The following RRAGB variants were observed in gnomAD, a reference collection of about 807,000 sequenced individuals.
RRAGB encodes the protein Ras related GTP binding B, also known as ras-related GTP-binding protein B.
Under a neutral mutation model 29.3 loss-of-function variants are expected in RRAGB, and 6 were observed. The ratio of observed to expected loss-of-function variants is 0.21; its 90% CI spans 0.11 to 0.40. RRAGB has a LOEUF of 0.40. RRAGB is among the 10% of genes least tolerant of loss of function. The pLI is 1.00. For synonymous variants in RRAGB, 101 were observed against 92.5 expected (o/e 1.09, Z -0.53); for missense variants, 184 against 272.9 (o/e 0.67, Z 2.29).
chrX:55,727,922 A>G (rs199969802), intron 3 of RRAGB, among the ~76,000 whole-genome samples: 1 of 111,249 alleles, frequency 9.0e-6, no homozygotes, highest in East Asian at 2.8e-4. Flanking sequence ...ATGAATTCAG[A>G]GGGAGAGATG....
intron 3 of RRAGB, among the ~76,000 whole-genome samples, chrX:55,727,061 A>C (rs1426948749): frequency 9.0e-6 from 1 of 111,499 alleles, no homozygotes; most frequent in Non-Finnish European, 1.9e-5. Context: ...GACCAAGAGA[A>C]GAGAATTTTT....
At chrX:55,748,874 C>T (rs761004698) in intron 5 of RRAGB, among the ~76,000 whole-genome samples, 7 of 101,839 alleles carry the variant, frequency 6.9e-5, no homozygotes, top group South Asian at 4.7e-4. Context: ...GTGAGGAGCC[C>T]CTCTGCCCGG....
intron 5 of RRAGB, among the ~76,000 whole-genome samples, chrX:55,746,291 A>T (rs2034243284): frequency 8.9e-6 from 1 of 111,873 alleles, no homozygotes; most frequent in South Asian, 3.8e-4. Flanking sequence ...CTTCCCATCC[A>T]TTTCACTTCT....
chrX:55,724,318 A>G (rs1023943889), intron 3 of RRAGB, among the ~76,000 whole-genome samples: 1 of 112,237 alleles, frequency 8.9e-6, no homozygotes, highest in Non-Finnish European at 1.9e-5. Context: ...GAAATCCAGA[A>G]CAAGTCCAAT....
chrX:55,718,198 G>T lies in RRAGB; in HGVS notation c.-130G>T. ...GTGGACAAAGGCGGAGGCAAGAATA[G>T]AGCAGGCCTGAGGGCCATAGGCGAT... On this transcript the variant is annotated 5_prime_UTR_variant, in exon 1 of 10. Transcript: ENST00000374941. The T allele has an allele frequency of 2.3e-6, 1 of 432,310 alleles. No homozygotes were observed. The highest frequency in any genetic ancestry group is 3.8e-6 in the Non-Finnish European group (1 of 261,581). The allele number at this position is 432,310 out of a possible 1,213,427, so 35.6% of individuals were successfully genotyped here.
rs184897773 is a variant in RRAGB, at chrX:55,733,077, T to C, written c.516+1491T>C. 9.0e-5 allele frequency among the ~76,000 whole-genome samples: 10 copies of C among 111,295 alleles called. No homozygotes were observed. In the East Asian group the frequency reaches 2.8e-3, roughly 31 times the overall value. On this transcript the variant is annotated intron_variant, in intron 5 of 9. Coordinates refer to ENST00000374941, the MANE Select transcript of RRAGB (RefSeq NM_006064.5). ...TTTAGTGCATTCATCACTTAAATAG[T>C]GTACATTATACCCAATAGGTAATTT...
chrX:55,757,404 T>C, intron 9 of RRAGB, 73 bp downstream of exon 9: 2 of 526,037 alleles, frequency 3.8e-6, no homozygotes, highest in Admixed American at 6.1e-5. Flanking sequence ...GGTAGTACTT[T>C]ATTAGATACT....
chrX:55,744,387 C>CAAAAAAAAAAAAAAAAAAAAAAAAA (rs56294534), intron 5 of RRAGB, among the ~76,000 whole-genome samples: 7 of 35,765 alleles, frequency 2.0e-4, no homozygotes, highest in African/African-American at 5.2e-4. Context: ...CAGAGTGAGC[C>CAAAAAAAAAAAAAAAAAAAAAAAAA]AAAAAAAAAA....
At chrX:55,746,647 G>T (rs189184136) in intron 5 of RRAGB, among the ~76,000 whole-genome samples, 1 of 112,230 alleles carries the variant, frequency 8.9e-6, no homozygotes, top group Non-Finnish European at 1.9e-5. Flanking sequence ...GGCCTTAAAT[G>T]AATCTGTTAA....
At chrX:55,719,137 C>T (rs2033166671) in intron 1 of RRAGB, among the ~76,000 whole-genome samples, 177 bp from the exon 2 acceptor site, 1 of 111,506 alleles carries the variant, frequency 9.0e-6, no homozygotes. Context: ...AGTATACACA[C>T]AGTTTTATAA....
intron 5 of RRAGB, among the ~76,000 whole-genome samples, chrX:55,738,081 A>T (rs1295923120): frequency 8.9e-6 from 1 of 112,796 alleles, no homozygotes; most frequent in East Asian, 2.8e-4. Flanking sequence ...TCCGCAGATT[A>T]TTAAGTCTCT....
At chrX:55,754,839 A>T (rs1204155967) in intron 7 of RRAGB, among the ~76,000 whole-genome samples, 1 of 111,728 alleles carries the variant, frequency 9.0e-6, no homozygotes, top group Non-Finnish European at 1.9e-5. Context: ...GTCTCAGCCC[A>T]CTGGCAGAGG....
chrX:55,738,265 G>A (rs763062388), intron 5 of RRAGB, among the ~76,000 whole-genome samples: 9 of 110,999 alleles, frequency 8.1e-5, no homozygotes, highest in Non-Finnish European at 1.3e-4. Context: ...ATTGGTCACT[G>A]ATGCTTCTTA....
intron 4 of RRAGB, 28 bp from the exon 5 acceptor site, chrX:55,731,336 C>T: frequency 9.2e-7 from 1 of 1,090,019 alleles, no homozygotes; most frequent in East Asian, 3.1e-5. Flanking sequence ...TGAGGATTTG[C>T]TTACTATATA....
chrX:55,750,915 A>C (rs746536328), intron 5 of RRAGB, among the ~76,000 whole-genome samples, 186 bp from the exon 6 acceptor site: 28 of 112,023 alleles, frequency 2.5e-4, no homozygotes, highest in Admixed American at 3.8e-4. Flanking sequence ...AAGAATTCTA[A>C]CTATTGTGCT....
chrX:55,750,048 TAAAAAAAAAAAA>T (rs774847577), intron 5 of RRAGB, among the ~76,000 whole-genome samples: 2 of 16,764 alleles, frequency 1.2e-4, no homozygotes, highest in African/African-American at 5.1e-4. Context: ...AATGATCAAT[TAAAAAAAAAAAA>T]AAAAAAAAAA....
rs1361519255 is a variant in RRAGB at position 55,749,444 on chromosome X, C to T, written c.517-1657C>T. Among the ~76,000 whole-genome samples, 15 of 107,606 alleles carry T rather than the reference C, an allele frequency of 1.4e-4. No homozygotes were observed. The South Asian group carries it at 3.4e-3, about 25-fold the overall frequency. The allele number at this position is 107,606 out of a possible 115,157, so 93.4% of individuals were successfully genotyped here. On this transcript the variant is annotated intron_variant, in intron 5 of 9. Coordinates refer to ENST00000374941, the MANE Select transcript of RRAGB (RefSeq NM_006064.5). ...CAGCCCCCCGCCCGGCCAGCTGCCC[C>T]GTCCGGGAGGTGAGGGGCGCCTCTG...
At chrX:55,748,157 C>T (rs965765863) in intron 5 of RRAGB, among the ~76,000 whole-genome samples, 12 of 112,795 alleles carry the variant, frequency 1.1e-4, no homozygotes, top group Non-Finnish European at 2.3e-4. Context: ...GAGGGAGTCT[C>T]GTTCACTCAA....
Position 55,718,261 on chromosome X carries a change from A to G in RRAGB, c.-67A>G. 1.1e-6 allele frequency: 1 copy of G among 881,595 alleles called. No homozygotes were observed. Among genetic ancestry groups the G allele is most frequent in the Non-Finnish European group, 1.6e-6 (1 of 633,291 alleles). 72.7% of individuals were successfully genotyped at this position (881,595 alleles called of 1,213,427 possible). ...TTGAGGGGTGAAAAAGAAAACAAAC[A>G]AACAACAACAACAAACCCTGAAGAG... On this transcript the variant is annotated 5_prime_UTR_variant, in exon 1 of 10. Coordinates refer to ENST00000374941, the MANE Select transcript of RRAGB (RefSeq NM_006064.5).
Sources: gnomAD v4.1 joint callset for allele counts (sites outside exome capture counted in the v4.1 genomes callset) on GRCh38, gnomAD v4.1.1 for gene constraint, MANE v1.5 for transcripts, NCBI Gene and HGNC (gene_info 2026-07-23, HGNC 2026-07-21) for gene names.